Variants in GALNT15 observed in about 807,000 individuals in gnomAD.
The protein encoded by GALNT15 is UDP-GalNAc transferase T15.
In GALNT15, 67 loss-of-function variants were observed where a neutral mutation model predicts 66.8. That is an observed-to-expected ratio of 1.00 (90% confidence interval 0.82 to 1.23). The LOEUF (loss-of-function observed/expected upper bound fraction) is 1.23. Among genes scored for constraint, GALNT15 ranks in the 50% most tolerant of loss-of-function variants. The pLI is 0.00. For synonymous variants in GALNT15, 313 were observed against 311.5 expected (o/e 1.00, Z -0.05); for missense variants, 827 against 804.3 (o/e 1.03, Z -0.34).
Position 16,187,559 on chromosome 3 carries a change from G to A in GALNT15, c.540-8201G>A, listed in dbSNP as rs748946280. ...CATGACAGCAAGTGGAAGGCCTTGAGGCTTAATCTTGGGAATTCTCGAATG... is the reference window on the plus strand; with the variant it reads ...CATGACAGCAAGTGGAAGGCCTTGAAGCTTAATCTTGGGAATTCTCGAATG... On this transcript the variant is annotated intron_variant, in intron 1 of 9. Transcript: ENST00000339732. The surrounding 1 kb of genome is among the most constrained non-coding windows in gnomAD (Gnocchi z 5.1). Among the ~76,000 whole-genome samples the A allele has an allele frequency of 6.6e-6, 1 of 152,184 alleles. No homozygotes were observed. Among genetic ancestry groups the A allele is most frequent in the African/African-American group, 2.4e-5 (1 of 41,438 alleles).
rs898138541 is a variant in GALNT15 at position 16,209,785 on chromosome 3, G to A, written c.1079+1115G>A. Among the ~76,000 whole-genome samples the A allele has an allele frequency of 6.6e-6, 1 of 152,168 alleles. No individual in the cohort carries two copies. Among genetic ancestry groups the A allele is most frequent in the Non-Finnish European group, 1.5e-5 (1 of 68,038 alleles). Reference sequence around the variant, plus strand: ...TGCAATGAGCTGAGACCACACTACTGCACTCTAGCCTGGGTGACAGAGCAA... The same window carrying A: ...TGCAATGAGCTGAGACCACACTACTACACTCTAGCCTGGGTGACAGAGCAA... On this transcript the variant is annotated intron_variant, in intron 4 of 9. Transcript: ENST00000339732. This position sits in a 1 kb window ranked among gnomAD's most constrained non-coding sequence, Gnocchi z 4.1.
At chr3:16,190,208 A>G (rs2063558818) in intron 1 of GALNT15, among the ~76,000 whole-genome samples, 2 of 152,176 alleles carry the variant, frequency 1.3e-5, no homozygotes, top group African/African-American at 4.8e-5. Flanking sequence ...AGGCTGATGA[A>G]GCCCATCCTG....
chr3:16,201,472 C>T (rs114839659), intron 3 of GALNT15, among the ~76,000 whole-genome samples: 2,207 of 152,194 alleles, frequency 0.015, 19 homozygotes, highest in Non-Finnish European at 0.025. Context: ...TGAGCCACCG[C>T]GCCTGGCCGA....
chr3:16,202,828 T>C (rs1420728776), intron 3 of GALNT15, among the ~76,000 whole-genome samples: 1 of 152,234 alleles, frequency 6.6e-6, no homozygotes, highest in Non-Finnish European at 1.5e-5. Context: ...GATCATCTTG[T>C]CTTACCTCAT....
At chr3:16,232,103 C>A, downstream of GALNT15, 1 of 682,010 alleles carries the variant, frequency 1.5e-6, no homozygotes, top group East Asian at 3.8e-5. Flanking sequence ...CAAAACTCTC[C>A]AAAATTCTCC....
rs1322550374 is a variant in GALNT15 at position 16,184,834 on chromosome 3, C to T, written c.539+9144C>T. 3.3e-5 allele frequency among the ~76,000 whole-genome samples: 5 copies of T among 152,244 alleles called. No individual in the cohort carries two copies. Among genetic ancestry groups the T allele is most frequent in the East Asian group, 1.9e-4 (1 of 5,180 alleles). ...AGTGTAGAACATGCATGCATCTCAGCGCTTCCTACCCTCTGCCCTTAGGGG... is the reference window on the plus strand; with the variant it reads ...AGTGTAGAACATGCATGCATCTCAGTGCTTCCTACCCTCTGCCCTTAGGGG... On this transcript the variant is annotated intron_variant, in intron 1 of 9. Transcript: ENST00000339732. The surrounding 1 kb of genome is among the most constrained non-coding windows in gnomAD (Gnocchi z 5.0).
In GALNT15 at chr3:16,208,585, G is replaced by T. The variant is rs771511992; in HGVS notation, c.994G>T (p.Val332Leu). ...CCCCTCAAAGGACCTGCAGCGTGGGGTGTTGGACTGGAAGCTGGATTTCCA... is the reference window on the plus strand; with the variant it reads ...CCCCTCAAAGGACCTGCAGCGTGGGTTGTTGGACTGGAAGCTGGATTTCCA... ...YYPSKDLQRG[V>L]LDWKLDFHWE... is the part of the protein sequence containing the mutation. The change falls in exon 4 of 10, where the codon GTG becomes TTG. Residue 332 changes from valine to leucine, a missense_variant. Transcript: ENST00000339732. 18 of 1,614,166 alleles carry T rather than the reference G, an allele frequency of 1.1e-5. No individual in the cohort carries two copies. The highest frequency in any genetic ancestry group is 1.7e-5 in the Admixed American group (1 of 60,022).
rs1416661007 is a variant in GALNT15 at position 16,195,838 on chromosome 3, T to G, written c.618T>G (p.Thr206=). The G allele has an allele frequency of 6.2e-7, 1 of 1,613,880 alleles. No individual in the cohort carries two copies. The highest frequency in any genetic ancestry group is 1.3e-5 in the African/African-American group (1 of 74,892). The change falls in exon 2 of 10, where the codon ACT becomes ACG. Residue 206 remains threonine, a synonymous_variant. Coordinates refer to ENST00000339732, the MANE Select transcript of GALNT15 (RefSeq NM_054110.5). The surrounding 1 kb of genome is among the most constrained non-coding windows in gnomAD (Gnocchi z 4.6). ...ILCFHDEAWS[T]LLRTVHSILD... ...GTTTCCATGATGAGGCCTGGTCCAC[T>G]CTCCTGCGGACTGTACACAGCATCC...
Position 16,219,973 on chromosome 3 carries a change from C to G in GALNT15, c.1588C>G (p.Pro530Ala), listed in dbSNP as rs754621488. 1 of 1,614,186 alleles carries G rather than the reference C, an allele frequency of 6.2e-7. No homozygotes were observed. Among genetic ancestry groups the G allele is most frequent in the Non-Finnish European group, 8.5e-7 (1 of 1,180,012 alleles). Residue 530 changes from proline to alanine, a missense_variant, in exon 8 of 10, where the codon CCC becomes GCC. Transcript: ENST00000339732. The surrounding 1 kb of genome is among the most constrained non-coding windows in gnomAD (Gnocchi z 4.3). Reference sequence around the variant, plus strand: ...GGCAGAAGGGGACATCCTGGGCTGTCCCATGGTGTTGGCTCCTTGCAGTGA... The same window carrying G: ...GGCAGAAGGGGACATCCTGGGCTGTGCCATGGTGTTGGCTCCTTGCAGTGA... ...CQAEGDILGC[P>A]MVLAPCSDSR...
At chr3:16,196,736 C>T (rs907785009) in intron 2 of GALNT15, among the ~76,000 whole-genome samples, 2 of 152,186 alleles carry the variant, frequency 1.3e-5, no homozygotes, top group East Asian at 1.9e-4. Flanking sequence ...TTCTGTGGAC[C>T]ACACTCTGAG....
chr3:16,219,113 T>A lies in GALNT15; in HGVS notation c.1393-290T>A, dbSNP rs922815628. ...GTGTGAGCCACCACTCCCGGCCTAT[T>A]GTAGTCTTTATAGACTGGAGATTTG... On this transcript the variant is annotated intron_variant, in intron 6 of 9. Transcript: ENST00000339732. This position sits in a 1 kb window ranked among gnomAD's most constrained non-coding sequence, Gnocchi z 4.3. 1.3e-5 allele frequency among the ~76,000 whole-genome samples: 2 copies of A among 152,142 alleles called. No homozygotes were observed. Among genetic ancestry groups the A allele is most frequent in the African/African-American group, 4.8e-5 (2 of 41,450 alleles).
At chr3:16,237,767 C>T in the GALNT15 span, among the ~76,000 whole-genome samples, 3 of 152,208 alleles carry the variant, frequency 2.0e-5, no homozygotes, top group East Asian at 3.8e-4. This position sits in a 1 kb window ranked among gnomAD's most constrained non-coding sequence, Gnocchi z 4.2. Context: ...GGCCCTGGCA[C>T]CTGGGTCTAG....
At chr3:16,208,390 T>C in intron 3 of GALNT15, 113 bp from the exon 4 acceptor site, 1 of 962,484 alleles carries the variant, frequency 1.0e-6, no homozygotes, top group Non-Finnish European at 1.5e-6. Context: ...ATAAACCCAT[T>C]TTAGGTACGG....
intron 3 of GALNT15, among the ~76,000 whole-genome samples, chr3:16,201,343 G>A (rs9833164): frequency 8.1e-4 from 123 of 151,832 alleles, no homozygotes; most frequent in Non-Finnish European, 1.4e-3. Flanking sequence ...CACCACACCC[G>A]GCTAATTTTT....
chr3:16,217,731 G>A (rs554213054), intron 6 of GALNT15, among the ~76,000 whole-genome samples: 1 of 152,044 alleles, frequency 6.6e-6, no homozygotes, highest in Non-Finnish European at 1.5e-5. Flanking sequence ...ACAAAGATTG[G>A]GTAGATTTAT....
chr3:16,232,517 T>TATATATATATAA (rs1559698470), downstream of GALNT15, among the ~76,000 whole-genome samples: 2 of 70,362 alleles, frequency 2.8e-5, no homozygotes, highest in African/African-American at 6.7e-5. Flanking sequence ...TATATTTATT[T>TATATATATATAA]AAAAGAGACA....
chr3:16,223,902 C>T (rs902870966), intron 9 of GALNT15, among the ~76,000 whole-genome samples: 1 of 152,044 alleles, frequency 6.6e-6, no homozygotes, highest in Non-Finnish European at 1.5e-5. Context: ...CCATGTTGGC[C>T]AAGTTGGTCT....
At chr3:16,215,038 T>C (rs1194318736) in intron 6 of GALNT15, among the ~76,000 whole-genome samples, 1 of 152,172 alleles carries the variant, frequency 6.6e-6, no homozygotes, top group East Asian at 1.9e-4. Flanking sequence ...TGTAAAGAAC[T>C]CTTAAAGAAG....
In GALNT15 at chr3:16,181,009, T is replaced by C. The variant is rs556457536; in HGVS notation, c.539+5319T>C. Among the ~76,000 whole-genome samples the C allele has an allele frequency of 2.6e-5, 4 of 152,248 alleles. No homozygotes were observed. In the South Asian group the frequency reaches 8.3e-4, roughly 32 times the overall value. The stretch of plus-strand genomic sequence containing the variant: ...CCCTTGCATAAGGTTGTAGAGAAAA[T>C]GAGACACAACGTGTGATGATTTTCC... On this transcript the variant is annotated intron_variant, in intron 1 of 9. Transcript: ENST00000339732. The surrounding 1 kb of genome is among the most constrained non-coding windows in gnomAD (Gnocchi z 5.9).
Sources: gnomAD v4.1 joint callset for allele counts (sites outside exome capture counted in the v4.1 genomes callset) on GRCh38, gnomAD v4.1.1 for gene constraint, Gnocchi (gnomAD v3.1) non-coding constraint, MANE v1.5 for transcripts, NCBI Gene and HGNC (gene_info 2026-07-23, HGNC 2026-07-21) for gene names.